ZNF354B: variants seen among roughly 807,000 people sequenced by gnomAD.
ZNF354B encodes the protein zinc finger protein 354B.
In ZNF354B, 10 loss-of-function variants were observed where a neutral mutation model predicts 12.9. That is an observed-to-expected ratio of 0.77 (90% CI 0.48 to 1.31). The LOEUF is 1.31. Among genes scored for constraint, ZNF354B ranks in the 40% most tolerant of loss-of-function variants. The pLI is 0.00. For missense variants in ZNF354B, 614 were observed against 711.7 expected (o/e 0.86, Z 1.56); for synonymous variants, 260 against 243.7 (o/e 1.07, Z -0.62).
intron 2 of ZNF354B, among the ~76,000 whole-genome samples, chr5:178,864,250 G>A (rs552286137): frequency 2.0e-5 from 3 of 152,262 alleles, no homozygotes; most frequent in South Asian, 4.1e-4. Flanking sequence ...ATGCTGTAGC[G>A]TACCATGCCT....
intron 4 of ZNF354B, among the ~76,000 whole-genome samples, chr5:178,874,080 C>T (rs964363840): frequency 3.9e-5 from 6 of 152,086 alleles, no homozygotes; most frequent in Non-Finnish European, 7.4e-5. Flanking sequence ...CCTCAGCCTC[C>T]TGAGTAGCTG....
chr5:178,866,641 C>T (rs1423646198), intron 3 of ZNF354B, among the ~76,000 whole-genome samples: 2 of 152,158 alleles, frequency 1.3e-5, no homozygotes, highest in Non-Finnish European at 2.9e-5. Context: ...CAGCATTTTC[C>T]TGCTTTGGTT....
In ZNF354B at chr5:178,883,550, C is replaced by T. The variant is rs1581818023; in HGVS notation, c.1098C>T (p.Ser366=). Residue 366 remains serine (S), a synonymous_variant, in exon 5 of 5, where the codon AGC becomes AGT. Coordinates refer to ENST00000322434, the MANE Select transcript of ZNF354B (RefSeq NM_058230.3). ...CNECGNTFKS[S]SSLRYHQRIH... Reference sequence around the variant, plus strand: ...AATGTGGCAACACCTTTAAGTCTAGCTCATCCCTTCGTTATCATCAGAGAA... The same window carrying T: ...AATGTGGCAACACCTTTAAGTCTAGTTCATCCCTTCGTTATCATCAGAGAA... 1.2e-6 allele frequency: 2 copies of T among 1,613,948 alleles called. No homozygotes were observed. Among genetic ancestry groups the T allele is most frequent in the Admixed American group, 3.3e-5 (2 of 60,004 alleles).
rs763531721 is a variant in ZNF354B, at chr5:178,880,206, C to CT, written c.257-2490dup. Among the ~76,000 whole-genome samples the CT allele has an allele frequency of 2.0e-3, 278 of 142,412 alleles. 2 individuals are homozygous for CT. Among genetic ancestry groups the CT allele is most frequent in the East Asian group, 1.9e-3 (8 of 4,240 alleles). 93.4% of individuals were successfully genotyped at this position (142,412 alleles called of 152,430 possible). A position where few individuals can be genotyped will look rare whatever the true frequency, so the allele number is the denominator to read the frequency against. On this transcript the variant is annotated intron_variant, in intron 4 of 4. Coordinates refer to ENST00000322434, the MANE Select transcript of ZNF354B (RefSeq NM_058230.3). ...CCAATTTCTTTTTTTCCTTTTCTTT[C>CT]TTTTTTTTTTTTTAGACGGGGTCTC...
At chr5:178,863,824 A>G (rs572684484) in intron 2 of ZNF354B, among the ~76,000 whole-genome samples, 20 of 152,278 alleles carry the variant, frequency 1.3e-4, no homozygotes, top group Non-Finnish European at 2.6e-4. Flanking sequence ...GGCCTAGACT[A>G]ATGTGCATAT....
At chr5:178,873,535 C>T (rs1757592812) in intron 4 of ZNF354B, among the ~76,000 whole-genome samples, 1 of 152,170 alleles carries the variant, frequency 6.6e-6, no homozygotes, top group African/African-American at 2.4e-5. Flanking sequence ...TTGAAGTCGT[C>T]TTTCCTCTGC....
chr5:178,870,803 A>G (rs1366262559), intron 4 of ZNF354B, among the ~76,000 whole-genome samples: 1 of 152,092 alleles, frequency 6.6e-6, no homozygotes, highest in Non-Finnish European at 1.5e-5. Flanking sequence ...GTGTGGCCAC[A>G]ATGCCCTGTA....
chr5:178,869,880 G>C (rs1757535507), intron 4 of ZNF354B, among the ~76,000 whole-genome samples: 1 of 152,136 alleles, frequency 6.6e-6, no homozygotes, highest in Non-Finnish European at 1.5e-5. Context: ...CCCCTGGTGG[G>C]GCTCCTGTCT....
At position 178,882,942 on chromosome 5, in the gene ZNF354B, G is replaced by A. The variant is rs769616184; in HGVS notation, c.490G>A (p.Gly164Ser). ...VDRSHKNVEFGQNFYLKSVFI... is the reference protein window; with the variant it reads ...VDRSHKNVEFSQNFYLKSVFI... Reference sequence around the variant, plus strand: ...TAGAAGCCATAAAAATGTTGAATTTGGCCAAAACTTCTACCTGAAATCAGT... The same window carrying A: ...TAGAAGCCATAAAAATGTTGAATTTAGCCAAAACTTCTACCTGAAATCAGT... Residue 164 changes from glycine to serine, a missense_variant, in exon 5 of 5, where the codon GGC (glycine) becomes AGC (serine). Gly to Ser is a moderately conservative substitution (Grantham distance 56, BLOSUM62 0). Transcript: ENST00000322434. 6.2e-7 allele frequency: 1 copy of A among 1,601,546 alleles called. No individual in the cohort carries two copies. Among genetic ancestry groups the A allele is most frequent in the Non-Finnish European group, 8.5e-7 (1 of 1,176,994 alleles).
At chr5:178,869,999 ACT>A (rs1393132965) in intron 4 of ZNF354B, among the ~76,000 whole-genome samples, 2 of 151,742 alleles carry the variant, frequency 1.3e-5, no homozygotes, top group Non-Finnish European at 2.9e-5. Flanking sequence ...CAGATTATTA[ACT>A]CTAGCTCGAA....
At chr5:178,870,741 C>G (rs772041555) in intron 4 of ZNF354B, among the ~76,000 whole-genome samples, 1 of 152,142 alleles carries the variant, frequency 6.6e-6, no homozygotes, top group Non-Finnish European at 1.5e-5. Flanking sequence ...TAGCAACAGC[C>G]CTGATGACAT....
At chr5:178,879,256 A>G (rs2114025022) in intron 4 of ZNF354B, among the ~76,000 whole-genome samples, 1 of 151,978 alleles carries the variant, frequency 6.6e-6, no homozygotes, top group Admixed American at 6.5e-5. Flanking sequence ...CATGTTGGTT[A>G]GGCTGGTCTC....
At chr5:178,881,254 A>C (rs1757712655) in intron 4 of ZNF354B, among the ~76,000 whole-genome samples, 2 of 151,946 alleles carry the variant, frequency 1.3e-5, no homozygotes, top group African/African-American at 2.4e-5. Flanking sequence ...TGGAGGGAGG[A>C]ATTGTGAGGG....
intron 2 of ZNF354B, 65 bp from the exon 3 acceptor site, chr5:178,866,179 C>T (rs1202983119): frequency 1.3e-5 from 20 of 1,589,014 alleles, no homozygotes; most frequent in Non-Finnish European, 1.6e-5. Context: ...CGTGTCTTCC[C>T]CACTGCCGCC....
intron 4 of ZNF354B, among the ~76,000 whole-genome samples, chr5:178,869,240 C>T (rs11958804): frequency 0.15 from 22,896 of 152,196 alleles, 2,131 homozygotes; most frequent in African/African-American, 0.26. Context: ...CCTTGTGCCA[C>T]GGGCCCAGCG....
At chr5:178,860,593 AGTC>A (rs1194371204) in intron 1 of ZNF354B, 1 of 185,156 alleles carries the variant, frequency 5.4e-6, no homozygotes, top group African/African-American at 2.4e-5. Context: ...GGCGGAGGGA[AGTC>A]GTCCCGGGGC....
intron 4 of ZNF354B, among the ~76,000 whole-genome samples, chr5:178,870,796 T>C (rs1021577546): frequency 1.3e-5 from 2 of 152,120 alleles, no homozygotes; most frequent in Non-Finnish European, 2.9e-5. Context: ...GATGGAAGTG[T>C]GGCCACAATG....
chr5:178,869,796 C>G (rs969039727), intron 4 of ZNF354B, among the ~76,000 whole-genome samples: 1 of 152,036 alleles, frequency 6.6e-6, no homozygotes, highest in African/African-American at 2.4e-5. Context: ...GGTGGGATGA[C>G]CTTCGTCCTC....
intron 4 of ZNF354B, among the ~76,000 whole-genome samples, chr5:178,874,764 A>G (rs11743869): frequency 0.55 from 83,051 of 152,034 alleles, 23,432 homozygotes; most frequent in Non-Finnish European, 0.61. Context: ...GCCCTTGCTG[A>G]GAAACTAGTG....
Sources: gnomAD v4.1 joint callset for allele counts (sites outside exome capture counted in the v4.1 genomes callset) on GRCh38, gnomAD v4.1.1 for gene constraint, MANE v1.5 for transcripts, NCBI Gene and HGNC (gene_info 2026-07-23, HGNC 2026-07-21) for gene names.